The following ADGRL2 variants were observed in gnomAD, a reference collection of about 807,000 sequenced individuals.
ADGRL2 encodes adhesion G protein-coupled receptor L2, also known as calcium-independent alpha-latrotoxin receptor 2.
In ADGRL2, 44 loss-of-function variants were observed where a neutral mutation model predicts 157.4. The observed-to-expected ratio is 0.28, with a 90% CI of 0.22 to 0.36. The LOEUF (loss-of-function observed/expected upper bound fraction) is 0.36. Among genes scored for constraint, ADGRL2 ranks in the 10% least tolerant of loss-of-function variants. ADGRL2 has a pLI of 1.00. For synonymous variants in ADGRL2, 585 were observed against 624.7 expected, an observed-to-expected ratio of 0.94 and a Z score of 0.95; for missense variants, 1,510 against 1,768.9, an observed-to-expected ratio of 0.85 and a Z score of 2.63.
intron 2 of ADGRL2, among the ~76,000 whole-genome samples, chr1:81,503,841 T>C (rs1352507976): frequency 6.6e-6 from 1 of 152,178 alleles, no homozygotes; most frequent in African/African-American, 2.4e-5. Flanking sequence ...TTTTAATTTA[T>C]TTCCCTGCCC....
At chr1:81,932,534 G>T (rs1053342300) in intron 3 of ADGRL2, among the ~76,000 whole-genome samples, 1 of 152,078 alleles carries the variant, frequency 6.6e-6, no homozygotes. Context: ...TTATTCTTTA[G>T]TAAAGTATCT....
At chr1:81,770,361 G>A (rs12074168) in intron 2 of ADGRL2, among the ~76,000 whole-genome samples, 31,476 of 151,106 alleles carry the variant, frequency 0.21, 3,696 homozygotes, top group African/African-American at 0.31. Context: ...TGGGGCTTCA[G>A]CATATTGGCC....
At chr1:81,826,908 A>G (rs908654773) in intron 1 of ADGRL2, among the ~76,000 whole-genome samples, 2 of 152,214 alleles carry the variant, frequency 1.3e-5, no homozygotes, top group African/African-American at 2.4e-5. Flanking sequence ...GTTGATAGAA[A>G]AATTTAGCCT....
intron 2 of ADGRL2, among the ~76,000 whole-genome samples, chr1:81,840,826 A>G (rs1174748235): frequency 6.6e-6 from 1 of 152,156 alleles, no homozygotes; most frequent in Non-Finnish European, 1.5e-5. Flanking sequence ...TATTTCTTAT[A>G]ATTGATTTTA....
At chr1:81,538,873 T>C (rs2079810963) in intron 2 of ADGRL2, among the ~76,000 whole-genome samples, 1 of 151,620 alleles carries the variant, frequency 6.6e-6, no homozygotes, top group Admixed American at 6.6e-5. Flanking sequence ...CCAGGCATGG[T>C]GGTGTTTTCC....
chr1:81,705,035 TG>T (rs2083687081), intron 1 of ADGRL2, among the ~76,000 whole-genome samples: 2 of 152,132 alleles, frequency 1.3e-5, no homozygotes, highest in African/African-American at 2.4e-5. Flanking sequence ...ACAGTGTTGT[TG>T]TTTTCTTTTA....
intron 2 of ADGRL2, among the ~76,000 whole-genome samples, chr1:81,565,316 G>T (rs2080533045): frequency 6.6e-6 from 1 of 152,172 alleles, no homozygotes; most frequent in African/African-American, 2.4e-5. Flanking sequence ...CTACAGAACA[G>T]GATAGAATGT....
chr1:81,972,852 C>T (rs967032591), intron 17 of ADGRL2, among the ~76,000 whole-genome samples: 3 of 149,244 alleles, frequency 2.0e-5, no homozygotes, highest in Non-Finnish European at 3.0e-5. Context: ...CACAAGGCTG[C>T]GGTGAGCTAT....
intron 1 of ADGRL2, among the ~76,000 whole-genome samples, chr1:81,823,230 G>T (rs1368789711): frequency 2.0e-5 from 3 of 151,456 alleles, no homozygotes; most frequent in Non-Finnish European, 4.4e-5. Context: ...CATCCACTTT[G>T]CTTTATTCTT....
At chr1:81,476,225 A>T (rs12739773) in intron 2 of ADGRL2, among the ~76,000 whole-genome samples, 179 of 152,288 alleles carry the variant, frequency 1.2e-3, no homozygotes, top group Non-Finnish European at 2.4e-3. Flanking sequence ...TGAAACAAGG[A>T]AGGAAGAAAG....
At chr1:81,322,740 A>G (rs1660613153) in intron 1 of ADGRL2, among the ~76,000 whole-genome samples, 1 of 152,184 alleles carries the variant, frequency 6.6e-6, no homozygotes, top group Admixed American at 6.5e-5. Context: ...GAAAGTTTTA[A>G]AAACCATGTC....
chr1:81,426,837 T>G (rs2077226444), intron 1 of ADGRL2: 1 of 548,756 alleles, frequency 1.8e-6, no homozygotes, highest in Non-Finnish European at 3.4e-6. Flanking sequence ...TGAAGAAAAA[T>G]TTCCTTGGTG....
chr1:81,362,861 C>G (rs1402503802), intron 1 of ADGRL2, among the ~76,000 whole-genome samples: 2 of 151,988 alleles, frequency 1.3e-5, no homozygotes, highest in South Asian at 4.1e-4. Flanking sequence ...CTTAACCATT[C>G]CTAACATCTT....
chr1:81,587,312 G>T (rs1183149121), intron 3 of ADGRL2, among the ~76,000 whole-genome samples: 1 of 152,014 alleles, frequency 6.6e-6, no homozygotes, highest in Non-Finnish European at 1.5e-5. Flanking sequence ...ACAAAGAAGG[G>T]AGTTATTAAT....
At chr1:81,534,048 T>C (rs1020692641) in intron 2 of ADGRL2, among the ~76,000 whole-genome samples, 1 of 152,254 alleles carries the variant, frequency 6.6e-6, no homozygotes, top group African/African-American at 2.4e-5. Context: ...ATTTGAATTC[T>C]GGTTGTGCTG....
chr1:81,948,164 C>T (rs1202225595), intron 6 of ADGRL2, among the ~76,000 whole-genome samples: 1 of 151,312 alleles, frequency 6.6e-6, no homozygotes, highest in Non-Finnish European at 1.5e-5. Context: ...TTGCAGTGAG[C>T]CGAGACCACA....
chr1:81,461,865 G>C (rs2077935513), intron 2 of ADGRL2, among the ~76,000 whole-genome samples: 1 of 138,994 alleles, frequency 7.2e-6, no homozygotes, highest in Admixed American at 7.6e-5. Flanking sequence ...CCTGCCAGTA[G>C]GCAAGAATTC....
chr1:81,710,838 A>C (rs1224240493), intron 1 of ADGRL2, among the ~76,000 whole-genome samples: 1 of 151,650 alleles, frequency 6.6e-6, no homozygotes, highest in Non-Finnish European at 1.5e-5. Context: ...ATATTGAATA[A>C]AACTTTGACA....
At chr1:81,391,388 T>C (rs568324102) in intron 1 of ADGRL2, among the ~76,000 whole-genome samples, 42 of 152,324 alleles carry the variant, frequency 2.8e-4, no homozygotes, top group African/African-American at 9.4e-4. Context: ...AAATATGAAC[T>C]AGAGCTGCTG....
Sources: allele counts gnomAD v4.1 joint callset (sites outside exome capture counted in the v4.1 genomes callset), GRCh38; gene constraint gnomAD v4.1.1; transcripts MANE v1.5; gene names NCBI Gene and HGNC (gene_info 2026-07-23, HGNC 2026-07-21).